Variants in GABRA3 observed in about 807,000 individuals in gnomAD.
GABRA3 encodes the protein gamma-aminobutyric acid type A receptor subunit alpha3, also known as gamma-aminobutyric acid receptor subunit alpha-3.
GABRA3 carries 10 observed loss-of-function variants against 30.1 expected under a neutral mutation model. The ratio of observed to expected loss-of-function variants is 0.33; its 90% confidence interval spans 0.20 to 0.56. GABRA3 has a LOEUF of 0.56. GABRA3 is among the 20% of genes least tolerant of loss of function. The pLI, the probability that GABRA3 is intolerant of heterozygous loss-of-function variation, is 0.89. For missense variants in GABRA3, 233 were observed against 392.0 expected (o/e 0.59, Z 3.42); for synonymous variants, 151 against 146.8 (o/e 1.03, Z -0.21).
chrX:152,438,574 G>A (rs1409475766), intron 1 of GABRA3, among the ~76,000 whole-genome samples: 1 of 112,335 alleles, frequency 8.9e-6, no homozygotes, highest in African/African-American at 3.2e-5. Context: ...CCTTCAGTAG[G>A]TGAATGGATA....
intron 6 of GABRA3, among the ~76,000 whole-genome samples, chrX:152,220,072 TTTTA>T (rs1937803353): frequency 1.8e-5 from 2 of 111,603 alleles, no homozygotes; most frequent in Admixed American, 9.6e-5. Flanking sequence ...CTATTAATAT[TTTTA>T]TTTATTAAAA....
intron 7 of GABRA3, among the ~76,000 whole-genome samples, chrX:152,207,154 C>T (rs1007004936): frequency 8.9e-6 from 1 of 111,737 alleles, no homozygotes; most frequent in African/African-American, 3.3e-5. Context: ...AGATGACAGA[C>T]TGTGATATCA....
chrX:152,199,258 A>T (rs5924729), intron 7 of GABRA3, among the ~76,000 whole-genome samples: 6 of 103,174 alleles, frequency 5.8e-5, no homozygotes, highest in Non-Finnish European at 1.0e-4. Context: ...CCCAGATACT[A>T]GGGAGGCTGA....
At chrX:152,188,424 G>A (rs1569350500) in intron 9 of GABRA3, among the ~76,000 whole-genome samples, 2 of 111,059 alleles carry the variant, frequency 1.8e-5, no homozygotes, top group Non-Finnish European at 3.8e-5. Context: ...ACAGAAATTA[G>A]GAGATGATAG....
chrX:152,259,886 A>G (rs1253311529), intron 4 of GABRA3, among the ~76,000 whole-genome samples: 8 of 109,745 alleles, frequency 7.3e-5, no homozygotes, highest in African/African-American at 2.0e-4. Context: ...TTTTTATTCA[A>G]TCTTCGGTAC....
chrX:152,359,195 T>C (rs999135359), intron 2 of GABRA3, among the ~76,000 whole-genome samples: 3 of 111,598 alleles, frequency 2.7e-5, no homozygotes, highest in African/African-American at 6.5e-5. Flanking sequence ...CCTAGACTTT[T>C]TCGGATTGGT....
At chrX:152,343,247 G>A (rs1940341111) in intron 3 of GABRA3, among the ~76,000 whole-genome samples, 1 of 111,166 alleles carries the variant, frequency 9.0e-6, no homozygotes, top group South Asian at 3.8e-4. Flanking sequence ...TTTGCTCCAG[G>A]CAGTTAAGGA....
At chrX:152,276,963 G>A (rs1939097578) in intron 4 of GABRA3, among the ~76,000 whole-genome samples, 1 of 111,620 alleles carries the variant, frequency 9.0e-6, no homozygotes, top group African/African-American at 3.2e-5. Flanking sequence ...AGGTACACAG[G>A]TAATTTTGCT....
At position 152,416,766 on chromosome X, in the gene GABRA3, A is replaced by C. The variant is rs1467254424; in HGVS notation, c.-27+34380T>G. Among the ~76,000 whole-genome samples the C allele has an allele frequency of 2.3e-4, 25 of 110,081 alleles. No individual in the cohort carries two copies. In the East Asian group the frequency reaches 3.7e-3, roughly 16 times the overall value. ...CTTTGACAAACCTGAGAAAAACAAGAAATGGGGAAAGGATTCCCTGTTTAA... is the reference window on the plus strand; with the variant it reads ...CTTTGACAAACCTGAGAAAAACAAGCAATGGGGAAAGGATTCCCTGTTTAA... On this transcript the variant is annotated intron_variant, in intron 1 of 9. Transcript: ENST00000370314.
chrX:152,172,351 T>C (rs1438539830), intron 9 of GABRA3, among the ~76,000 whole-genome samples: 1 of 111,609 alleles, frequency 9.0e-6, no homozygotes, highest in Non-Finnish European at 1.9e-5. Flanking sequence ...CTATTGGGAA[T>C]GTAAAATGGT....
chrX:152,189,688 C>T (rs1937298101), intron 9 of GABRA3, 42 bp downstream of exon 9: 1 of 1,022,618 alleles, frequency 9.8e-7, no homozygotes, highest in African/African-American at 1.9e-5. Flanking sequence ...CAATACAGGT[C>T]TCTCGGGGGT....
chrX:152,432,309 G>A (rs1028139922), intron 1 of GABRA3, among the ~76,000 whole-genome samples: 1 of 111,247 alleles, frequency 9.0e-6, no homozygotes, highest in Admixed American at 9.5e-5. Flanking sequence ...GGTGGAACAC[G>A]GTTGCTTCTA....
At chrX:152,182,104 T>C (rs188974677) in intron 9 of GABRA3, among the ~76,000 whole-genome samples, 1 of 110,277 alleles carries the variant, frequency 9.1e-6, no homozygotes, top group Non-Finnish European at 1.9e-5. Flanking sequence ...GAATGTTGAA[T>C]TTTGTCAAAT....
rs369515627 is a variant in GABRA3 at position 152,281,517 on chromosome X, T to A, written c.330+3151A>T. Among the ~76,000 whole-genome samples the A allele has an allele frequency of 5.4e-5, 6 of 111,838 alleles. No individual in the cohort carries two copies. In the East Asian group the frequency reaches 1.1e-3, roughly 21 times the overall value. Reference sequence around the variant, plus strand: ...GCCAGGGCAACCATTTTCCAACTTATCTCTTGTACTCTAAATTAAATTTCT... The same window carrying A: ...GCCAGGGCAACCATTTTCCAACTTAACTCTTGTACTCTAAATTAAATTTCT... On this transcript the variant is annotated intron_variant, in intron 4 of 9. Coordinates refer to ENST00000370314, the MANE Select transcript of GABRA3 (RefSeq NM_000808.4).
intron 4 of GABRA3, among the ~76,000 whole-genome samples, chrX:152,259,285 A>G (rs1285410556): frequency 9.0e-6 from 1 of 111,504 alleles, no homozygotes; most frequent in Non-Finnish European, 1.9e-5. Flanking sequence ...GTAAACATGA[A>G]CAGCAGTCTA....
chrX:152,189,136 C>T (rs1264814578), intron 9 of GABRA3, among the ~76,000 whole-genome samples: 1 of 111,830 alleles, frequency 8.9e-6, no homozygotes, highest in African/African-American at 3.2e-5. Flanking sequence ...GAGAGGAAGA[C>T]AAAAACTAAT....
At chrX:152,197,852 A>G in intron 7 of GABRA3, 67 bp from the exon 8 acceptor site, 7 of 875,679 alleles carry the variant, frequency 8.0e-6, no homozygotes, top group East Asian at 3.2e-5. Context: ...TTGGGCCCCA[A>G]TTCAATTCAC....
At chrX:152,220,684 G>A (rs1353831395) in intron 6 of GABRA3, among the ~76,000 whole-genome samples, 6 of 111,686 alleles carry the variant, frequency 5.4e-5, no homozygotes, top group Non-Finnish European at 1.1e-4. Flanking sequence ...GCGCATGAGA[G>A]TCCAGATTTG....
At chrX:152,220,170 G>C (rs1301334592) in intron 6 of GABRA3, among the ~76,000 whole-genome samples, 1 of 111,467 alleles carries the variant, frequency 9.0e-6, no homozygotes, top group Non-Finnish European at 1.9e-5. Context: ...AAAATACCTA[G>C]GAATTCCAAC....
Sources: allele counts gnomAD v4.1 joint callset (sites outside exome capture counted in the v4.1 genomes callset), GRCh38; gene constraint gnomAD v4.1.1; transcripts MANE v1.5; gene names NCBI Gene and HGNC (gene_info 2026-07-23, HGNC 2026-07-21).